Variants in THSD7B observed in about 807,000 individuals in gnomAD.
THSD7B encodes the protein thrombospondin type 1 domain containing 7B, also known as thrombospondin type-1 domain-containing protein 7B.
Under a neutral mutation model 213.6 loss-of-function variants are expected in THSD7B, and 138 were observed. The ratio of observed to expected loss-of-function variants is 0.65; its 90% confidence interval spans 0.56 to 0.74. The LOEUF (loss-of-function observed/expected upper bound fraction) is 0.74, where lower values mean the gene tolerates loss of function less well. Among genes scored for constraint, THSD7B ranks in the 30% least tolerant of loss-of-function variants. The pLI is 0.00. For synonymous variants in THSD7B, 742 were observed against 687.0 expected, an observed-to-expected ratio of 1.08 and a Z score of -1.25; for missense variants, 1,931 against 1,991.5, an observed-to-expected ratio of 0.97 and a Z score of 0.58.
At chr2:137,320,043 G>T (rs915163043) in intron 12 of THSD7B, among the ~76,000 whole-genome samples, 4 of 152,142 alleles carry the variant, frequency 2.6e-5, no homozygotes, top group African/African-American at 9.7e-5. Flanking sequence ...TAAGGGAGTT[G>T]CTGTGTCAGC....
intron 12 of THSD7B, among the ~76,000 whole-genome samples, chr2:137,333,972 A>T (rs1038866123): frequency 6.6e-6 from 1 of 152,206 alleles, no homozygotes; most frequent in South Asian, 2.1e-4. Context: ...GGGCCAGAGA[A>T]TAGATATTTT....
At chr2:136,949,794 T>C (rs1466761434) in intron 2 of THSD7B, among the ~76,000 whole-genome samples, 1 of 152,196 alleles carries the variant, frequency 6.6e-6, no homozygotes, top group African/African-American at 2.4e-5. Context: ...CTTAAGGATC[T>C]AGAACCAGAA....
chr2:137,011,764 G>A (rs749752168), intron 2 of THSD7B, among the ~76,000 whole-genome samples: 13 of 152,106 alleles, frequency 8.5e-5, no homozygotes, highest in African/African-American at 3.1e-4. Flanking sequence ...CACATCTACC[G>A]CATACAGTCT....
At chr2:136,849,806 A>T (rs190478585) in intron 1 of THSD7B, among the ~76,000 whole-genome samples, 12 of 152,304 alleles carry the variant, frequency 7.9e-5, no homozygotes, top group Middle Eastern at 3.4e-3. Context: ...AATATTAGAG[A>T]CATACAGAAA....
intron 2 of THSD7B, among the ~76,000 whole-genome samples, chr2:136,899,094 T>C (rs1684017584): frequency 6.6e-6 from 1 of 152,166 alleles, no homozygotes; most frequent in African/African-American, 2.4e-5. Context: ...ATACCCTTAG[T>C]TAAATGAATA....
rs140393835 is a variant in THSD7B, at chr2:137,121,463, GA to G, written c.1369+6174del. ...TCTTCAAAGTTAACATGACTAAACT[GA>G]AAATTCACTAATGTGTGTTGCTGAA... On this transcript the variant is annotated intron_variant, in intron 5 of 27. Coordinates refer to ENST00000409968, the MANE Select transcript of THSD7B (RefSeq NM_001316349.2). Among the ~76,000 whole-genome samples, 187 of 152,314 alleles carry G rather than the reference GA, an allele frequency of 1.2e-3. 4 individuals carry two copies. In the East Asian group the frequency reaches 0.029, roughly 24 times the overall value.
chr2:137,055,213 G>A (rs777346535), intron 2 of THSD7B, among the ~76,000 whole-genome samples: 1 of 152,118 alleles, frequency 6.6e-6, no homozygotes, highest in Non-Finnish European at 1.5e-5. Flanking sequence ...CCAAGTCTTT[G>A]CTATTGTGAA....
intron 14 of THSD7B, among the ~76,000 whole-genome samples, chr2:137,449,096 T>C (rs527762346): frequency 2.6e-4 from 40 of 151,684 alleles, no homozygotes; most frequent in East Asian, 1.4e-3. Context: ...ATGATCTTTT[T>C]TCCCCCCCTC....
intron 15 of THSD7B, among the ~76,000 whole-genome samples, chr2:137,468,427 A>C (rs937321137): frequency 6.6e-6 from 1 of 151,872 alleles, no homozygotes; most frequent in East Asian, 2.0e-4. Context: ...CTATTGTTCT[A>C]CTGTTTTGCA....
chr2:136,998,346 CTTTGTTTTT>C (rs1685935179), intron 2 of THSD7B, among the ~76,000 whole-genome samples: 2 of 150,288 alleles, frequency 1.3e-5, no homozygotes. Context: ...GTTTTTTTCC[CTTTGTTTTT>C]CACTGGGTAG....
intron 1 of THSD7B, among the ~76,000 whole-genome samples, chr2:136,881,411 A>G (rs1298079547): frequency 6.6e-6 from 1 of 152,178 alleles, no homozygotes; most frequent in Non-Finnish European, 1.5e-5. Flanking sequence ...TGGAGTCCAT[A>G]GAATTGATGA....
intron 2 of THSD7B, among the ~76,000 whole-genome samples, chr2:136,911,678 A>C (rs192276246): frequency 6.6e-6 from 1 of 152,270 alleles, no homozygotes; most frequent in East Asian, 1.9e-4. Context: ...TGTACCTTCT[A>C]CTCTGCTGTG....
chr2:136,947,291 A>C (rs769406616), intron 2 of THSD7B, among the ~76,000 whole-genome samples: 13 of 152,206 alleles, frequency 8.5e-5, no homozygotes, highest in Non-Finnish European at 1.8e-4. Context: ...AATGATAGAC[A>C]GTTTGAAATA....
At position 137,349,119 on chromosome 2, in the gene THSD7B, G is replaced by A. The variant is rs369879517; in HGVS notation, c.2501-56494G>A. Among the ~76,000 whole-genome samples, 39 of 151,608 alleles carry A rather than the reference G, an allele frequency of 2.6e-4. No homozygotes were observed. The East Asian group carries it at 4.1e-3, about 16-fold the overall frequency. ...GATTTTTGCCATATTTTGTCCTGTG[G>A]CAAAACTCTTTATTTGACTCTACAA... is the stretch of plus-strand genomic sequence containing the variant. On this transcript the variant is annotated intron_variant, in intron 12 of 27. Coordinates refer to ENST00000409968, the MANE Select transcript of THSD7B (RefSeq NM_001316349.2).
chr2:137,022,501 T>G (rs1302838578), intron 2 of THSD7B, among the ~76,000 whole-genome samples: 2 of 152,132 alleles, frequency 1.3e-5, no homozygotes, highest in Admixed American at 1.3e-4. Flanking sequence ...GCCATAAGTG[T>G]AAAATATACA....
chr2:136,906,952 T>TTTA (rs1684174414), intron 2 of THSD7B, among the ~76,000 whole-genome samples: 1 of 131,232 alleles, frequency 7.6e-6, no homozygotes, highest in Non-Finnish European at 1.6e-5. Flanking sequence ...TTTTTTTTTT[T>TTTA]TTTTTTTTTT....
chr2:136,962,734 C>G (rs1489639086), intron 2 of THSD7B, among the ~76,000 whole-genome samples: 1 of 152,078 alleles, frequency 6.6e-6, no homozygotes, highest in East Asian at 1.9e-4. Context: ...AAAATTGTCA[C>G]AAAAATGATT....
intron 7 of THSD7B, among the ~76,000 whole-genome samples, chr2:137,203,429 T>A (rs1680918213): frequency 6.6e-6 from 1 of 152,094 alleles, no homozygotes; most frequent in African/African-American, 2.4e-5. Context: ...CTTTTTTAGA[T>A]CTCAATATTT....
At position 137,293,328 on chromosome 2, in the gene THSD7B, G is replaced by A. The variant is rs115411444; in HGVS notation, c.2500+17302G>A. Among the ~76,000 whole-genome samples, 357 of 151,920 alleles carry A rather than the reference G, an allele frequency of 2.3e-3. 2 individuals are homozygous for A. The highest frequency in any genetic ancestry group is 8.2e-3 in the African/African-American group (340 of 41,456). On this transcript the variant is annotated intron_variant, in intron 12 of 27. Coordinates refer to ENST00000409968, the MANE Select transcript of THSD7B (RefSeq NM_001316349.2). ...TAACTTTTGTATTTTGGGTAGAAAC[G>A]GGTTTTGCCATGTTGCCCAGGATGA...
Sources: allele counts gnomAD v4.1 joint callset (sites outside exome capture counted in the v4.1 genomes callset), GRCh38; gene constraint gnomAD v4.1.1; transcripts MANE v1.5; gene names NCBI Gene and HGNC (gene_info 2026-07-23, HGNC 2026-07-21).